Variants in WDR49 observed in about 807,000 individuals in gnomAD.
The protein encoded by WDR49 is WD repeat domain 49.
In WDR49, 107 loss-of-function variants were observed where a neutral mutation model predicts 119.5. That is an observed-to-expected ratio of 0.90 (90% CI 0.77 to 1.05). The LOEUF (loss-of-function observed/expected upper bound fraction) is 1.05, where lower values mean the gene tolerates loss of function less well. Ranked by LOEUF, WDR49 falls within the 50% of genes least tolerant of loss-of-function variation. The pLI, the probability that WDR49 is intolerant of heterozygous loss-of-function variation, is 0.00. For synonymous variants in WDR49, 425 were observed against 418.8 expected (o/e 1.01, Z -0.18); for missense variants, 1,240 against 1,220.5 (o/e 1.02, Z -0.24).
chr3:167,597,052 G>A (rs866364793), intron 7 of WDR49, among the ~76,000 whole-genome samples: 3 of 151,898 alleles, frequency 2.0e-5, no homozygotes, highest in Non-Finnish European at 4.4e-5. Context: ...TAATAGCCAA[G>A]ACAATGGGGA....
At chr3:167,569,008 T>C (rs980485831) in intron 8 of WDR49, among the ~76,000 whole-genome samples, 4 of 151,940 alleles carry the variant, frequency 2.6e-5, no homozygotes. Context: ...GGTGGTGCTA[T>C]CTTAGCTCAC....
chr3:167,569,324 G>C (rs181102318), intron 8 of WDR49, among the ~76,000 whole-genome samples: 1 of 152,074 alleles, frequency 6.6e-6, no homozygotes, highest in East Asian at 1.9e-4. Flanking sequence ...GTCTGTGTTT[G>C]AATACGTAAG....
At chr3:167,616,810 C>T (rs2108318155) in intron 5 of WDR49, among the ~76,000 whole-genome samples, 1 of 152,166 alleles carries the variant, frequency 6.6e-6, no homozygotes, top group Non-Finnish European at 1.5e-5. Flanking sequence ...AATCAAATGG[C>T]TTAAAATCAG....
At chr3:167,587,056 CT>C (rs1484597492) in intron 7 of WDR49, among the ~76,000 whole-genome samples, 2 of 151,960 alleles carry the variant, frequency 1.3e-5, no homozygotes, top group Non-Finnish European at 1.5e-5. Flanking sequence ...TGCCCCTAAC[CT>C]TATGAATCCT....
chr3:167,540,704 C>A (rs1309625319), intron 10 of WDR49, among the ~76,000 whole-genome samples: 1 of 150,476 alleles, frequency 6.6e-6, no homozygotes, highest in African/African-American at 2.4e-5. Flanking sequence ...CAAGAAGAAA[C>A]CTCTGAATTG....
chr3:167,520,079 A>ATGTGTGTGTG (rs146681932), intron 16 of WDR49, among the ~76,000 whole-genome samples: 5 of 149,180 alleles, frequency 3.4e-5, no homozygotes, highest in South Asian at 2.1e-4. Flanking sequence ...AAAGAAAAAA[A>ATGTGTGTGTG]TGTGTGTGTG....
At chr3:167,561,381 A>C (rs1176289669) in intron 8 of WDR49, among the ~76,000 whole-genome samples, 1 of 152,188 alleles carries the variant, frequency 6.6e-6, no homozygotes, top group Admixed American at 6.6e-5. Flanking sequence ...ACTGCATACC[A>C]GATCAGAAAC....
intron 5 of WDR49, among the ~76,000 whole-genome samples, chr3:167,607,174 C>T (rs1716101077): frequency 1.3e-5 from 2 of 152,078 alleles, no homozygotes; most frequent in African/African-American, 4.8e-5. Flanking sequence ...GGAGGTTACA[C>T]TAATAGTAGG....
At chr3:167,538,627 G>A (rs370355787) in intron 10 of WDR49, among the ~76,000 whole-genome samples, 3 of 151,734 alleles carry the variant, frequency 2.0e-5, no homozygotes, top group South Asian at 2.1e-4. Context: ...TTTCTTATTT[G>A]CCATGTGGAA....
intron 7 of WDR49, among the ~76,000 whole-genome samples, chr3:167,593,586 G>A (rs528193091): frequency 3.3e-5 from 5 of 152,052 alleles, no homozygotes; most frequent in African/African-American, 9.6e-5. Context: ...ACATATCTCT[G>A]TTTCTCCAGG....
chr3:167,595,318 C>T (rs1427044764), intron 7 of WDR49, among the ~76,000 whole-genome samples: 1 of 152,116 alleles, frequency 6.6e-6, no homozygotes, highest in Non-Finnish European at 1.5e-5. Flanking sequence ...GATTCAATGC[C>T]ATCCCCATCA....
At position 167,572,937 on chromosome 3, in the gene WDR49, G is replaced by A. The variant is rs554751855; in HGVS notation, c.1509+2981C>T. ...GGGACATTCCTGAGGAGAAGCAGAG[G>A]TAGGGAAAAACTGCAGTTCAGGGTA... On this transcript the variant is annotated intron_variant, in intron 8 of 18. Transcript: ENST00000682715. 3.3e-5 allele frequency among the ~76,000 whole-genome samples: 5 copies of A among 152,274 alleles called. No individual in the cohort carries two copies. In the East Asian group the frequency reaches 9.7e-4, roughly 29 times the overall value.
intron 12 of WDR49, 31 bp from the exon 13 acceptor site, chr3:167,531,310 T>C: frequency 6.2e-7 from 1 of 1,607,124 alleles, no homozygotes; most frequent in Non-Finnish European, 8.5e-7. Context: ...AGTATATTAA[T>C]GAAGAAAAAT....
At chr3:167,530,390 G>C (rs1183415478) in intron 13 of WDR49, among the ~76,000 whole-genome samples, 3 of 151,668 alleles carry the variant, frequency 2.0e-5, no homozygotes, top group Non-Finnish European at 4.4e-5. Flanking sequence ...TATTCTCCAA[G>C]GCAGATTTTC....
chr3:167,656,353 A>G (rs2108352437), upstream of WDR49, among the ~76,000 whole-genome samples: 1 of 152,308 alleles, frequency 6.6e-6, no homozygotes, highest in South Asian at 2.1e-4. Flanking sequence ...TCAGCCCCAT[A>G]AATGTTTGTA....
intron 16 of WDR49, among the ~76,000 whole-genome samples, chr3:167,518,389 G>T (rs1752300697): frequency 6.6e-6 from 1 of 152,044 alleles, no homozygotes; most frequent in Non-Finnish European, 1.5e-5. Flanking sequence ...ATCCTCTCCG[G>T]CTCCTGTTGT....
chr3:167,585,025 TTTTG>T (rs1714733459), intron 7 of WDR49, among the ~76,000 whole-genome samples: 3 of 152,236 alleles, frequency 2.0e-5, no homozygotes, highest in African/African-American at 4.8e-5. Flanking sequence ...CATTTTTAAA[TTTTG>T]TTTTTTTCAT....
chr3:167,561,666 G>A (rs890792383), intron 8 of WDR49, among the ~76,000 whole-genome samples: 1 of 152,120 alleles, frequency 6.6e-6, no homozygotes, highest in Non-Finnish European at 1.5e-5. Flanking sequence ...AACTGGTCTG[G>A]AATTGAAGAT....
chr3:167,479,797 CT>C (rs990682413), intron 18 of WDR49, among the ~76,000 whole-genome samples: 10 of 151,828 alleles, frequency 6.6e-5, no homozygotes, highest in African/African-American at 2.4e-4. Context: ...TTTTAAAAAG[CT>C]TTAAGAATTA....
Sources: gnomAD v4.1 joint callset for allele counts (sites outside exome capture counted in the v4.1 genomes callset) on GRCh38, gnomAD v4.1.1 for gene constraint, MANE v1.5 for transcripts, NCBI Gene and HGNC (gene_info 2026-07-23, HGNC 2026-07-21) for gene names.